The following ARHGAP6 variants were observed in gnomAD, a reference collection of about 807,000 sequenced individuals.
ARHGAP6 encodes the protein Rho GTPase activating protein 6.
In ARHGAP6, 16 loss-of-function variants were observed where a neutral mutation model predicts 55.7. That is an observed-to-expected ratio of 0.29 (90% CI 0.19 to 0.44). The LOEUF (loss-of-function observed/expected upper bound fraction) is 0.44, where lower values mean the gene tolerates loss of function less well. Among genes scored for constraint, ARHGAP6 ranks in the 20% least tolerant of loss-of-function variants. The pLI is 1.00. For missense variants in ARHGAP6, 698 were observed against 808.9 expected (o/e 0.86, Z 1.66); for synonymous variants, 382 against 360.9 (o/e 1.06, Z -0.66).
chrX:11,392,345 C>G (rs1318691798), intron 1 of ARHGAP6, among the ~76,000 whole-genome samples: 1 of 111,384 alleles, frequency 9.0e-6, no homozygotes, highest in Admixed American at 9.6e-5. Flanking sequence ...CAACCCCACC[C>G]CATCACTCTC....
intron 1 of ARHGAP6, among the ~76,000 whole-genome samples, chrX:11,292,154 T>C (rs1305601557): frequency 2.7e-5 from 3 of 112,211 alleles, no homozygotes; most frequent in Admixed American, 9.5e-5. Context: ...AACATATGTA[T>C]ATATACAAAC....
chrX:11,350,952 T>C (rs752831453), intron 1 of ARHGAP6, among the ~76,000 whole-genome samples: 4 of 110,649 alleles, frequency 3.6e-5, no homozygotes, highest in Non-Finnish European at 5.7e-5. Flanking sequence ...AAGTTATTAG[T>C]GAAAAAGACT....
chrX:11,492,041 A>G (rs2050576709), intron 1 of ARHGAP6, among the ~76,000 whole-genome samples: 1 of 107,289 alleles, frequency 9.3e-6, no homozygotes, highest in Admixed American at 1.0e-4. Context: ...CATGTCCTTC[A>G]CCCAGTTTTC....
intron 1 of ARHGAP6, among the ~76,000 whole-genome samples, chrX:11,373,079 T>TCA (rs1207119616): frequency 5.0e-5 from 4 of 79,512 alleles, no homozygotes; most frequent in Middle Eastern, 6.9e-3. Context: ...TCTATTTTTT[T>TCA]CACACACACA....
intron 1 of ARHGAP6, chrX:11,300,594 C>T (rs776065625): frequency 4.2e-5 from 50 of 1,185,672 alleles, no homozygotes; most frequent in African/African-American, 5.3e-5. Flanking sequence ...TGTTCTTTTG[C>T]AATTTTTTTC....
chrX:11,655,013 C>T (rs1424803545), intron 1 of ARHGAP6, among the ~76,000 whole-genome samples: 4 of 111,792 alleles, frequency 3.6e-5, no homozygotes, highest in East Asian at 5.6e-4. Flanking sequence ...TTTCATTACC[C>T]TAAGAAGAAA....
intron 1 of ARHGAP6, among the ~76,000 whole-genome samples, chrX:11,307,736 A>G (rs1359552852): frequency 8.9e-6 from 1 of 112,291 alleles, no homozygotes; most frequent in African/African-American, 3.2e-5. Flanking sequence ...AGGATTTACA[A>G]TGACACTTGG....
At chrX:11,230,802 G>T (rs1040768265) in intron 2 of ARHGAP6, among the ~76,000 whole-genome samples, 8 of 110,351 alleles carry the variant, frequency 7.2e-5, no homozygotes, top group African/African-American at 2.6e-4. Flanking sequence ...ATTGTTTTTA[G>T]TTCACAACAA....
intron 1 of ARHGAP6, among the ~76,000 whole-genome samples, chrX:11,289,323 A>G (rs938673431): frequency 9.0e-6 from 1 of 111,138 alleles, no homozygotes; most frequent in African/African-American, 3.3e-5. Context: ...TCACTTACTC[A>G]TCTCTCTTGC....
chrX:11,590,914 G>GAA (rs201584597), intron 1 of ARHGAP6, among the ~76,000 whole-genome samples: 1 of 89,399 alleles, frequency 1.1e-5, no homozygotes. Context: ...AAGAAAGAAA[G>GAA]AAAAGAAAAG....
At chrX:11,140,190 T>TA (rs374227493) in intron 12 of ARHGAP6, among the ~76,000 whole-genome samples, 29 of 97,912 alleles carry the variant, frequency 3.0e-4, no homozygotes, top group Admixed American at 8.9e-4. Flanking sequence ...AGGCCTGAAC[T>TA]AAAAAAAAAA....
At chrX:11,359,853 T>C (rs1247693504) in intron 1 of ARHGAP6, among the ~76,000 whole-genome samples, 1 of 110,686 alleles carries the variant, frequency 9.0e-6, no homozygotes, top group East Asian at 2.8e-4. Context: ...AAATACAAAC[T>C]ACCATCAGAG....
Position 11,664,598 on chromosome X carries a change from A to G in ARHGAP6, c.231T>C (p.Pro77=). Residue 77 remains proline, a synonymous_variant, in exon 1 of 13, where the codon CCT becomes CCC. Transcript: ENST00000337414. ...GACCCCGGGAAGAGGACGCCAAGCG[A>G]GGGCCGAGACTCTCGGCTGGGAGTG... ...SPSLPAESLG[P]RLASSSRGPP... 1 of 1,174,734 alleles carries G rather than the reference A, an allele frequency of 8.5e-7. No homozygotes were observed. Among genetic ancestry groups the G allele is most frequent in the Non-Finnish European group, 1.1e-6 (1 of 876,887 alleles).
intron 4 of ARHGAP6, among the ~76,000 whole-genome samples, chrX:11,187,162 G>T (rs2046396162): frequency 9.0e-6 from 1 of 111,473 alleles, no homozygotes; most frequent in African/African-American, 3.3e-5. Flanking sequence ...GGGGCAGAGA[G>T]ATAATATTAT....
At chrX:11,662,607 A>G (rs777539506) in intron 1 of ARHGAP6, among the ~76,000 whole-genome samples, 339 of 112,572 alleles carry the variant, frequency 3.0e-3, no homozygotes, top group Non-Finnish European at 4.7e-3. Context: ...TGAGATGCTA[A>G]TGGATAAGAA....
intron 1 of ARHGAP6, among the ~76,000 whole-genome samples, chrX:11,456,595 AGGTGGG>A (rs1180289417): frequency 4.8e-4 from 53 of 111,568 alleles, no homozygotes; most frequent in African/African-American, 1.7e-3. Flanking sequence ...CAAGGGGTGG[AGGTGGG>A]GCAAGCCCAC....
At chrX:11,258,074 A>T (rs896211199) in intron 1 of ARHGAP6, among the ~76,000 whole-genome samples, 20 of 111,662 alleles carry the variant, frequency 1.8e-4, no homozygotes, top group African/African-American at 6.5e-4. Context: ...AAACCAGATT[A>T]GATTTTCCTC....
At chrX:11,398,745 T>TA (rs1310772946) in intron 1 of ARHGAP6, among the ~76,000 whole-genome samples, 2 of 112,011 alleles carry the variant, frequency 1.8e-5, no homozygotes, top group East Asian at 2.7e-4. Context: ...TGATTCCTTT[T>TA]ATCCTTGATG....
intron 1 of ARHGAP6, among the ~76,000 whole-genome samples, chrX:11,304,006 C>T (rs907620142): frequency 8.9e-6 from 1 of 111,818 alleles, no homozygotes; most frequent in African/African-American, 3.3e-5. Context: ...CCAAAGAGAA[C>T]ACTACCCAGT....
Sources: gnomAD v4.1 joint callset for allele counts (sites outside exome capture counted in the v4.1 genomes callset) on GRCh38, gnomAD v4.1.1 for gene constraint, MANE v1.5 for transcripts, NCBI Gene and HGNC (gene_info 2026-07-23, HGNC 2026-07-21) for gene names.